Variants in ATP1A1 observed in about 807,000 individuals in gnomAD.
The protein encoded by ATP1A1 is ATPase Na+/K+ transporting subunit alpha 1.
In ATP1A1, 14 loss-of-function variants were observed where a neutral mutation model predicts 114.8. That is an observed-to-expected ratio of 0.12 (90% CI 0.08 to 0.19). The LOEUF is 0.19. ATP1A1 is among the 10% of genes least tolerant of loss of function. The probability of loss-of-function intolerance (pLI) is 1.00; values close to 1 mark genes in which losing one functional copy is unlikely to be tolerated. For synonymous variants in ATP1A1, 471 were observed against 466.3 expected, an observed-to-expected ratio of 1.01 and a Z score of -0.13; for missense variants, 524 against 1,290.7, an observed-to-expected ratio of 0.41 and a Z score of 9.10.
intron 1 of ATP1A1, chr1:116,383,466 A>T: frequency 1.5e-6 from 1 of 678,238 alleles, no homozygotes; most frequent in Non-Finnish European, 1.8e-6. Context: ...AAAACATGAA[A>T]TGAGGTTGGC....
rs200766300 is a variant in ATP1A1, at chr1:116,398,057, C to T, written c.2124+19C>T. The T allele has an allele frequency of 5.6e-6, 9 of 1,612,998 alleles. No individual in the cohort carries two copies. In the East Asian group the frequency reaches 2.0e-4, roughly 36 times the overall value. On this transcript the variant is annotated intron_variant, in intron 15 of 22. Coordinates refer to ENST00000295598, the MANE Select transcript of ATP1A1 (RefSeq NM_000701.8). This position sits in a 1 kb window ranked among gnomAD's most constrained non-coding sequence, Gnocchi z 6.1. Reference sequence around the variant, plus strand: ...AAGACAGGTCAGCCAGCACAAGGATCAGGCTGCTTTGGGCACTATTGGCTT... The same window carrying T: ...AAGACAGGTCAGCCAGCACAAGGATTAGGCTGCTTTGGGCACTATTGGCTT...
In ATP1A1 at chr1:116,389,498, A is replaced by G; in HGVS notation, c.814A>G (p.Thr272Ala). 6.2e-7 allele frequency: 1 copy of G among 1,614,202 alleles called. No homozygotes were observed. The highest frequency in any genetic ancestry group is 8.5e-7 in the Non-Finnish European group (1 of 1,180,046). ...TCGCACTGTGATGGGAAGAATTGCC[A>G]CACTTGCTTCTGGGCTGGAAGGAGG... ...GDRTVMGRIA[T>A]LASGLEGGQT... Residue 272 changes from threonine to alanine, a missense_variant, in exon 8 of 23, where the codon ACA becomes GCA. Coordinates refer to ENST00000295598, the MANE Select transcript of ATP1A1 (RefSeq NM_000701.8). This position sits in a 1 kb window ranked among gnomAD's most constrained non-coding sequence, Gnocchi z 6.9.
In ATP1A1 at chr1:116,404,601, A is replaced by C; in HGVS notation, c.*157A>C. The C allele has an allele frequency of 7.9e-7, 1 of 1,270,908 alleles. No individual in the cohort carries two copies. The highest frequency in any genetic ancestry group is 1.0e-6 in the Non-Finnish European group (1 of 982,380). The allele number at this position is 1,270,908 out of a possible 1,614,324, so 78.7% of individuals were successfully genotyped here. ...CAAGACGTCCTGGAATGAAGCATGT[A>C]GCTCTATGGGGGGAGGGGGGAGGGC... On this transcript the variant is annotated 3_prime_UTR_variant, in exon 23 of 23. Coordinates refer to ENST00000295598, the MANE Select transcript of ATP1A1 (RefSeq NM_000701.8). The surrounding 1 kb of genome is among the most constrained non-coding windows in gnomAD (Gnocchi z 4.8).
Position 116,389,695 on chromosome 1 carries a change from G to A in ATP1A1, c.1011G>A (p.Leu337=). The A allele has an allele frequency of 1.2e-6, 2 of 1,614,098 alleles. No individual in the cohort carries two copies. The highest frequency in any genetic ancestry group is 8.5e-7 in the Non-Finnish European group (1 of 1,180,000). Residue 337 remains leucine (L), a synonymous_variant, in exon 8 of 23, where the codon CTG becomes CTA. Coordinates refer to ENST00000295598, the MANE Select transcript of ATP1A1 (RefSeq NM_000701.8). The surrounding 1 kb of genome is among the most constrained non-coding windows in gnomAD (Gnocchi z 6.9). The stretch of plus-strand genomic sequence containing the variant: ...TAGCCAATGTGCCGGAAGGTTTGCT[G>A]GCCACTGTCACGGTAAGAGGCAGGT... ...IIVANVPEGL[L]ATVTVCLTLT...
intron 1 of ATP1A1, chr1:116,374,125 G>C: frequency 1.3e-6 from 2 of 1,543,360 alleles, no homozygotes; most frequent in Non-Finnish European, 1.7e-6. Context: ...AGCTTGCTCC[G>C]CGCAGAGGCG....
At chr1:116,394,282 T>C (rs1209735814) in intron 12 of ATP1A1, among the ~76,000 whole-genome samples, 6 of 152,222 alleles carry the variant, frequency 3.9e-5, no homozygotes, top group Non-Finnish European at 4.4e-5. Context: ...CATTGTCTAA[T>C]GTATTTGGGA....
chr1:116,391,768 TTTTC>T (rs1208548477), intron 10 of ATP1A1, among the ~76,000 whole-genome samples: 1 of 152,194 alleles, frequency 6.6e-6, no homozygotes, highest in African/African-American at 2.4e-5. Context: ...TGTTTCATGT[TTTTC>T]TTTACCTCAA....
In ATP1A1 at chr1:116,401,776, T is replaced by C. The variant is rs1653498754; in HGVS notation, c.2951+121T>C. 2.0e-6 allele frequency: 2 copies of C among 983,604 alleles called. No homozygotes were observed. The highest frequency in any genetic ancestry group is 2.4e-5 in the East Asian group (1 of 41,614). The allele number at this position is 983,604 out of a possible 1,614,324, so 60.9% of individuals were successfully genotyped here. A position where few individuals can be genotyped will look rare whatever the true frequency, so the allele number is the denominator to read the frequency against. ...TGAGTGGTATGTACAAAAATTCCTA[T>C]GGGTTGGAAAACTGTGAAAGCTTGA... On this transcript the variant is annotated intron_variant, in intron 21 of 22. Coordinates refer to ENST00000295598, the MANE Select transcript of ATP1A1 (RefSeq NM_000701.8). This position sits in a 1 kb window ranked among gnomAD's most constrained non-coding sequence, Gnocchi z 4.7.
chr1:116,398,146 T>C lies in ATP1A1; in HGVS notation c.2124+108T>C. 5 of 1,446,046 alleles carry C rather than the reference T, an allele frequency of 3.5e-6. No individual in the cohort carries two copies. The highest frequency in any genetic ancestry group is 4.7e-6 in the Non-Finnish European group (5 of 1,067,608). The allele number at this position is 1,446,046 out of a possible 1,614,324, so 89.6% of individuals were successfully genotyped here. A position where few individuals can be genotyped will look rare whatever the true frequency, so the allele number is the denominator to read the frequency against. ...TGGATGGATGCATACCTCGCTGTAT[T>C]AGACTCAGTATAAATAGGCCAGTAG... On this transcript the variant is annotated intron_variant, in intron 15 of 22. Transcript: ENST00000295598. The surrounding 1 kb of genome is among the most constrained non-coding windows in gnomAD (Gnocchi z 6.1).
intron 1 of ATP1A1, among the ~76,000 whole-genome samples, chr1:116,380,507 C>T (rs778883312): frequency 1.3e-5 from 2 of 152,136 alleles, no homozygotes; most frequent in Admixed American, 6.5e-5. Context: ...CAATATACCT[C>T]TGGGATGGAA....
At chr1:116,400,774 C>T (rs1653400348) in intron 18 of ATP1A1, 87 bp from the exon 19 acceptor site, 2 of 1,507,688 alleles carry the variant, frequency 1.3e-6, no homozygotes, top group Admixed American at 3.6e-5. Context: ...TATGTGCTCT[C>T]CCAGGCCTGC....
Position 116,383,997 on chromosome 1 carries a change from C to T in ATP1A1, c.13-17C>T. ...GTTCATAATTCATGGCCTCACTTTT[C>T]CCACATTCTCCTACAGGTTGGACGT... On this transcript the variant is annotated splice_polypyrimidine_tract_variant and intron_variant, in intron 1 of 22. Transcript: ENST00000295598. The T allele has an allele frequency of 6.2e-7, 1 of 1,604,256 alleles. No individual in the cohort carries two copies. The highest frequency in any genetic ancestry group is 1.1e-5 in the South Asian group (1 of 89,588).
chr1:116,379,811 C>G (rs1379571289), intron 1 of ATP1A1, among the ~76,000 whole-genome samples: 2 of 152,152 alleles, frequency 1.3e-5, no homozygotes, highest in African/African-American at 4.8e-5. Flanking sequence ...AATGAGAAAG[C>G]ACCCCTCCCC....
chr1:116,392,105 A>G (rs1652513242), intron 10 of ATP1A1: 1 of 152,226 alleles, frequency 6.6e-6, no homozygotes, highest in Non-Finnish European at 1.5e-5. Flanking sequence ...ATGCAGCCTT[A>G]CATGTTAAGG....
intron 1 of ATP1A1, among the ~76,000 whole-genome samples, chr1:116,383,163 C>G (rs1406807188): frequency 6.6e-6 from 1 of 152,104 alleles, no homozygotes; most frequent in Non-Finnish European, 1.5e-5. Context: ...TGTGATAATG[C>G]ACACGCTTTT....
chr1:116,393,634 A>T lies in ATP1A1; in HGVS notation c.1571A>T (p.His524Leu). ...ILDRCSSILL[H>L]GKEQPLDEEL... ...GACCGTTGCAGCTCTATCCTCCTCC[A>T]CGGCAAGGAGCAGCCCCTGGATGAG... is the stretch of plus-strand genomic sequence containing the variant. Residue 524 changes from histidine to leucine, a missense_variant, in exon 12 of 23, where the codon CAC becomes CTC. By Grantham distance (99) the His-to-Leu change is moderately conservative. This residue lies in a region of ATP1A1 where 143 missense variants were observed against 259.3 expected (regional missense o/e 0.55). Transcript: ENST00000295598. This position sits in a 1 kb window ranked among gnomAD's most constrained non-coding sequence, Gnocchi z 5.0. 1 of 1,614,136 alleles carries T rather than the reference A, an allele frequency of 6.2e-7. No individual in the cohort carries two copies. Among genetic ancestry groups the T allele is most frequent in the Non-Finnish European group, 8.5e-7 (1 of 1,180,022 alleles).
intron 1 of ATP1A1, among the ~76,000 whole-genome samples, chr1:116,378,918 T>C (rs1009617751): frequency 1.3e-4 from 20 of 152,370 alleles, no homozygotes; most frequent in African/African-American, 4.8e-4. Flanking sequence ...TAGAAAGTTT[T>C]AACCCTTCAT....
chr1:116,400,720 A>G (rs542432475), intron 18 of ATP1A1, 141 bp from the exon 19 acceptor site: 12 of 1,054,510 alleles, frequency 1.1e-5, no homozygotes, highest in South Asian at 3.2e-5. Flanking sequence ...TGACCAGGCA[A>G]TTCTTTCCTG....
chr1:116,383,706 C>T (rs1247714746), intron 1 of ATP1A1, among the ~76,000 whole-genome samples: 4 of 152,160 alleles, frequency 2.6e-5, no homozygotes, highest in Non-Finnish European at 4.4e-5. Flanking sequence ...ATTTTGATAG[C>T]AAAAATCTCC....
Sources: allele counts gnomAD v4.1 joint callset (sites outside exome capture counted in the v4.1 genomes callset), GRCh38; gene constraint gnomAD v4.1.1; regional missense constraint gnomAD v4.1.1; non-coding constraint Gnocchi (gnomAD v3.1); transcripts MANE v1.5; gene names NCBI Gene and HGNC (gene_info 2026-07-23, HGNC 2026-07-21).